Variants in MEGF6 observed in about 807,000 individuals in gnomAD.
MEGF6 encodes the protein multiple epidermal growth factor-like domains protein 6.
MEGF6 carries 184 observed loss-of-function variants against 207.1 expected under a neutral mutation model. The observed-to-expected ratio is 0.89, with a 90% CI of 0.79 to 1.00. The LOEUF (loss-of-function observed/expected upper bound fraction) is 1.00, where lower values mean the gene tolerates loss of function less well. Ranked by LOEUF, MEGF6 falls within the 50% of genes least tolerant of loss-of-function variation. MEGF6 has a pLI of 0.00. For missense variants in MEGF6, 2,282 were observed against 2,202.9 expected (o/e 1.04, Z -0.72); for synonymous variants, 1,038 against 910.0 (o/e 1.14, Z -2.53).
chr1:3,499,354 G>A (rs1021841554), intron 23 of MEGF6, 88 bp from the exon 24 acceptor site: 24 of 1,488,174 alleles, frequency 1.6e-5, no homozygotes, highest in Middle Eastern at 2.4e-4. Flanking sequence ...CAGATCTGCC[G>A]GGGTCCCCTC....
intron 5 of MEGF6, among the ~76,000 whole-genome samples, chr1:3,522,521 C>T (rs1335218313): frequency 1.3e-5 from 2 of 152,014 alleles, no homozygotes; most frequent in Non-Finnish European, 2.9e-5. Context: ...GTGCAGACAT[C>T]CCCAGGACGG....
intron 4 of MEGF6, among the ~76,000 whole-genome samples, chr1:3,562,646 C>G (rs1385413782): frequency 1.3e-5 from 2 of 152,260 alleles, no homozygotes; most frequent in East Asian, 3.8e-4. Flanking sequence ...AGACCCCCGC[C>G]AGGGGTGGGC....
chr1:3,513,577 CTTTTTTTTTTTTTTT>C (rs757815891), intron 7 of MEGF6, among the ~76,000 whole-genome samples: 1 of 56,540 alleles, frequency 1.8e-5, no homozygotes, highest in Non-Finnish European at 3.3e-5. Flanking sequence ...CACACCTGGG[CTTTTTTTTTTTTTTT>C]TTTTTTTTTT....
chr1:3,579,602 C>T (rs1054093068), intron 4 of MEGF6, among the ~76,000 whole-genome samples: 1 of 152,226 alleles, frequency 6.6e-6, no homozygotes, highest in Non-Finnish European at 1.5e-5. Flanking sequence ...TCAGCGCCAC[C>T]CACTGACGGG....
At chr1:3,508,510 G>C in intron 13 of MEGF6, 48 bp downstream of exon 13, 2 of 1,590,076 alleles carry the variant, frequency 1.3e-6, no homozygotes, top group Non-Finnish European at 1.7e-6. Context: ...CAGGTCTTGG[G>C]GCTCAGAGGC....
chr1:3,590,299 AG>A (rs2101820074), intron 3 of MEGF6, among the ~76,000 whole-genome samples: 1 of 152,328 alleles, frequency 6.6e-6, no homozygotes, highest in East Asian at 1.9e-4. Context: ...TGCCAGGACC[AG>A]GGAGACTCCG....
chr1:3,524,664 C>G (rs994258271), intron 4 of MEGF6, among the ~76,000 whole-genome samples: 2 of 152,188 alleles, frequency 1.3e-5, no homozygotes, highest in Non-Finnish European at 2.9e-5. Context: ...ACGGCCATGC[C>G]CAGGCTGTGG....
intron 4 of MEGF6, among the ~76,000 whole-genome samples, chr1:3,526,184 G>A (rs1641954893): frequency 6.6e-6 from 1 of 152,210 alleles, no homozygotes; most frequent in Non-Finnish European, 1.5e-5. Context: ...GGGCCTCTGG[G>A]CATGGCGGAA....
chr1:3,612,403 C>A (rs116551529), upstream of MEGF6, among the ~76,000 whole-genome samples: 1,646 of 151,926 alleles, frequency 0.011, 34 homozygotes, highest in African/African-American at 0.038. Context: ...CCTTTGAAAC[C>A]TGGTTTTGGT....
intron 4 of MEGF6, among the ~76,000 whole-genome samples, chr1:3,540,859 G>A (rs567921696): frequency 2.8e-4 from 42 of 152,352 alleles, no homozygotes; most frequent in African/African-American, 7.2e-4. Flanking sequence ...CCACTCGAAC[G>A]CAGGAATTTT....
intron 2 of MEGF6, among the ~76,000 whole-genome samples, chr1:3,599,734 TG>T (rs759081548): frequency 1.2e-4 from 18 of 152,162 alleles, no homozygotes; most frequent in Non-Finnish European, 2.4e-4. Flanking sequence ...GGGGCGTGCG[TG>T]GTGCCCTGCC....
intron 15 of MEGF6, 128 bp from the exon 16 acceptor site, chr1:3,505,684 C>T (rs1267076142): frequency 8.9e-6 from 11 of 1,234,072 alleles, no homozygotes; most frequent in African/African-American, 1.5e-5. Context: ...CTCCACCTCT[C>T]CCCCTGCAGC....
At chr1:3,496,935 C>T (rs747540697) in intron 28 of MEGF6, 53 bp downstream of exon 28, 59 of 1,535,258 alleles carry the variant, frequency 3.8e-5, no homozygotes, top group Non-Finnish European at 5.2e-5. Context: ...AACTGGGGCC[C>T]AGCACGCCAG....
intron 17 of MEGF6, among the ~76,000 whole-genome samples, chr1:3,504,111 G>A (rs1641013215): frequency 6.6e-6 from 1 of 150,456 alleles, no homozygotes; most frequent in Admixed American, 6.6e-5. Context: ...ATGGCCCCAG[G>A]GGAGGCAGAG....
At chr1:3,552,138 T>C (rs1404383809) in intron 4 of MEGF6, among the ~76,000 whole-genome samples, 4 of 152,178 alleles carry the variant, frequency 2.6e-5, no homozygotes, top group East Asian at 1.9e-4. Context: ...CCCCTCAGGA[T>C]TGCCACTCCA....
chr1:3,546,543 G>A (rs1642709671), intron 4 of MEGF6, among the ~76,000 whole-genome samples: 1 of 152,118 alleles, frequency 6.6e-6, no homozygotes, highest in Non-Finnish European at 1.5e-5. Flanking sequence ...GAGGCGGGGT[G>A]GCAGTGGGCT....
chr1:3,590,681 G>A (rs982937249), intron 3 of MEGF6, among the ~76,000 whole-genome samples: 5 of 152,170 alleles, frequency 3.3e-5, no homozygotes, highest in African/African-American at 9.7e-5. Flanking sequence ...ATTTCACAAC[G>A]GCTGGGGGCT....
rs1460750246 is a variant in MEGF6, at chr1:3,595,391, A to C, written c.323T>G (p.Leu108Arg). The C allele has an allele frequency of 6.2e-7, 1 of 1,612,698 alleles. No individual in the cohort carries two copies. Among genetic ancestry groups the C allele is most frequent in the East Asian group, 2.2e-5 (1 of 44,852 alleles). ...QVYTTEARTV[L>R]RCCRGWMQQP... The stretch of plus-strand genomic sequence containing the variant: ...CTGCATCCACCCTCGGCAGCACCTG[A>C]GCACGGTCCGGGCCTCCGTGGTATA... The change falls in exon 3 of 37, where the codon CTC (leucine) becomes CGC (arginine). Residue 108 changes from leucine (L) to arginine (R), a missense_variant. Coordinates refer to ENST00000356575, the MANE Select transcript of MEGF6 (RefSeq NM_001409.4).
intron 3 of MEGF6, among the ~76,000 whole-genome samples, chr1:3,592,616 ACT>A: frequency 6.6e-6 from 1 of 151,696 alleles, no homozygotes; most frequent in South Asian, 2.1e-4. Context: ...TAAATGAATG[ACT>A]CTGTGGCTAG....
Sources: allele counts gnomAD v4.1 joint callset (sites outside exome capture counted in the v4.1 genomes callset), GRCh38; gene constraint gnomAD v4.1.1; transcripts MANE v1.5; gene names NCBI Gene and HGNC (gene_info 2026-07-23, HGNC 2026-07-21).